The following RAPGEF4 variants were observed in gnomAD, a reference collection of about 807,000 sequenced individuals.
RAPGEF4 encodes Rap guanine nucleotide exchange factor 4.
In RAPGEF4, 66 loss-of-function variants were observed where a neutral mutation model predicts 147.9. The observed-to-expected ratio is 0.45, with a 90% CI of 0.37 to 0.55. The LOEUF (loss-of-function observed/expected upper bound fraction) is 0.55, where lower values mean the gene tolerates loss of function less well. Among genes scored for constraint, RAPGEF4 ranks in the 20% least tolerant of loss-of-function variants. The pLI, the probability that RAPGEF4 is intolerant of heterozygous loss-of-function variation, is 0.00. For missense variants in RAPGEF4, 1,071 were observed against 1,257.3 expected (o/e 0.85, Z 2.24); for synonymous variants, 419 against 442.7 (o/e 0.95, Z 0.67).
chr2:172,868,075 G>A (rs541777808), intron 4 of RAPGEF4, among the ~76,000 whole-genome samples: 2 of 152,276 alleles, frequency 1.3e-5, no homozygotes, highest in African/African-American at 4.8e-5. Context: ...AATGGAAGAA[G>A]GTGTGACATG....
chr2:173,018,931 C>T (rs879133088), intron 22 of RAPGEF4, 129 bp downstream of exon 22: 2 of 1,018,926 alleles, frequency 2.0e-6, no homozygotes, highest in Non-Finnish European at 2.9e-6. Flanking sequence ...TGTATGCTTC[C>T]ACTAATAACA....
At chr2:172,877,142 A>G (rs1419659715) in intron 4 of RAPGEF4, among the ~76,000 whole-genome samples, 1 of 152,224 alleles carries the variant, frequency 6.6e-6, no homozygotes, top group Non-Finnish European at 1.5e-5. Context: ...AGATTGGATA[A>G]AGAAAATGGG....
chr2:172,910,865 C>T (rs1015288946), intron 4 of RAPGEF4, among the ~76,000 whole-genome samples: 34 of 152,208 alleles, frequency 2.2e-4, no homozygotes, highest in Non-Finnish European at 2.9e-4. Flanking sequence ...ACATCCGCTG[C>T]ATCCTATTGG....
At chr2:172,784,788 A>G (rs1346067533) in intron 1 of RAPGEF4, among the ~76,000 whole-genome samples, 1 of 152,016 alleles carries the variant, frequency 6.6e-6, no homozygotes, top group East Asian at 1.9e-4. Flanking sequence ...ACTAATAGTC[A>G]CCTAACTTCT....
intron 6 of RAPGEF4, chr2:172,928,234 G>A (rs1291001599): frequency 4.4e-6 from 2 of 454,248 alleles, no homozygotes; most frequent in African/African-American, 4.0e-5. Context: ...TGTGAGTTAT[G>A]CATTTTATGG....
In RAPGEF4 at chr2:172,794,251, C is replaced by T. The variant is rs544633102; in HGVS notation, c.66-774C>T. ...AAAATTAGTTGGATGTAGTAGCGGG[C>T]GGCTGTATTCGCTTGAACCCAGGAG... On this transcript the variant is annotated intron_variant, in intron 1 of 30. Coordinates refer to ENST00000397081, the MANE Select transcript of RAPGEF4 (RefSeq NM_007023.4). Among the ~76,000 whole-genome samples, 34 of 146,948 alleles carry T rather than the reference C, an allele frequency of 2.3e-4. 1 individual carries two copies. The South Asian group carries it at 6.1e-3, about 26-fold the overall frequency.
At chr2:172,904,679 C>G (rs1699435684) in intron 4 of RAPGEF4, among the ~76,000 whole-genome samples, 1 of 152,028 alleles carries the variant, frequency 6.6e-6, no homozygotes, top group South Asian at 2.1e-4. Context: ...ATCATTTCAC[C>G]TCTGCTTTTA....
chr2:172,954,069 C>CT (rs1406213205), intron 6 of RAPGEF4, among the ~76,000 whole-genome samples: 2 of 152,094 alleles, frequency 1.3e-5, no homozygotes, highest in Non-Finnish European at 1.5e-5. Context: ...CAAGGAGACC[C>CT]TTTTTTGGCT....
chr2:173,020,076 G>T (rs976351793), intron 22 of RAPGEF4, among the ~76,000 whole-genome samples: 9 of 152,044 alleles, frequency 5.9e-5, no homozygotes, highest in Non-Finnish European at 8.8e-5. Context: ...TTTATTAAAT[G>T]AACTAATTTT....
At chr2:172,860,339 G>T in intron 4 of RAPGEF4, 1 of 984,782 alleles carries the variant, frequency 1.0e-6, no homozygotes, top group Non-Finnish European at 1.2e-6. Flanking sequence ...TTAGCAGTGT[G>T]TTCACATATA....
intron 10 of RAPGEF4, among the ~76,000 whole-genome samples, chr2:172,975,563 AT>A (rs1386223901): frequency 2.8e-4 from 42 of 152,300 alleles, no homozygotes; most frequent in Non-Finnish European, 1.2e-4. Context: ...CATTGACAAT[AT>A]TATTTCCTCT....
chr2:172,939,444 T>C (rs1686927232), intron 6 of RAPGEF4, among the ~76,000 whole-genome samples: 1 of 152,228 alleles, frequency 6.6e-6, no homozygotes, highest in African/African-American at 2.4e-5. Flanking sequence ...GTTTGCCATC[T>C]GTCTTCTTTG....
At chr2:172,938,288 C>G (rs769416480) in intron 6 of RAPGEF4, among the ~76,000 whole-genome samples, 1 of 152,060 alleles carries the variant, frequency 6.6e-6, no homozygotes, top group East Asian at 1.9e-4. Flanking sequence ...TGACTTCATA[C>G]TGATTTCTCC....
At chr2:172,858,765 C>G (rs1387023599) in intron 4 of RAPGEF4, among the ~76,000 whole-genome samples, 10 of 151,994 alleles carry the variant, frequency 6.6e-5, no homozygotes, top group Non-Finnish European at 8.8e-5. Context: ...TAAAGTTTAC[C>G]CAAGTGATAT....
At chr2:172,922,184 G>T in intron 5 of RAPGEF4, 97 bp from the exon 6 acceptor site, 1 of 1,171,698 alleles carries the variant, frequency 8.5e-7, no homozygotes, top group South Asian at 1.3e-5. Flanking sequence ...TGAAAACACT[G>T]AAATTTTACT....
Position 173,020,611 on chromosome 2 carries a change from T to C in RAPGEF4, c.2156-7T>C. The C allele has an allele frequency of 6.2e-7, 1 of 1,609,986 alleles. No individual in the cohort carries two copies. Among genetic ancestry groups the C allele is most frequent in the Non-Finnish European group, 8.5e-7 (1 of 1,176,402 alleles). On this transcript the variant is annotated splice_polypyrimidine_tract_variant and splice_region_variant and intron_variant, in intron 22 of 30. Transcript: ENST00000397081. ...AATAGGCAATCTCATGCTTTTTATGTTCACAGAAAAGGTGGTGCTCAAACC... is the reference window on the plus strand; with the variant it reads ...AATAGGCAATCTCATGCTTTTTATGCTCACAGAAAAGGTGGTGCTCAAACC...
intron 4 of RAPGEF4, among the ~76,000 whole-genome samples, chr2:172,897,913 A>G (rs1028931482): frequency 5.9e-5 from 9 of 151,896 alleles, no homozygotes; most frequent in African/African-American, 2.2e-4. Flanking sequence ...CAAGCTCCAG[A>G]TGAGATGCCT....
chr2:172,967,256 C>A lies in RAPGEF4; in HGVS notation c.821-5C>A. 1 of 1,610,218 alleles carries A rather than the reference C, an allele frequency of 6.2e-7. No individual in the cohort carries two copies. On this transcript the variant is annotated splice_region_variant and splice_polypyrimidine_tract_variant and intron_variant, in intron 9 of 30. Transcript: ENST00000397081. ...AGCTGACACGTGCTTCCATGTTTCCCATAGTGGACCAGGAGCACCATTTCC... is the reference window on the plus strand; with the variant it reads ...AGCTGACACGTGCTTCCATGTTTCCAATAGTGGACCAGGAGCACCATTTCC...
At chr2:172,932,560 T>C (rs564932857) in intron 6 of RAPGEF4, among the ~76,000 whole-genome samples, 49 of 152,252 alleles carry the variant, frequency 3.2e-4, no homozygotes, top group Non-Finnish European at 6.0e-4. Flanking sequence ...TAAGTCATAT[T>C]CCCATTTTAT....
Sources: gnomAD v4.1 joint callset for allele counts (sites outside exome capture counted in the v4.1 genomes callset) on GRCh38, gnomAD v4.1.1 for gene constraint, MANE v1.5 for transcripts, NCBI Gene and HGNC (gene_info 2026-07-23, HGNC 2026-07-21) for gene names.